The following ACAN variants were observed in gnomAD, a reference collection of about 807,000 sequenced individuals.
ACAN encodes the protein aggrecan, also known as aggrecan core protein.
ACAN carries 47 observed loss-of-function variants against 169.1 expected under a neutral mutation model. That is an observed-to-expected ratio of 0.28 (90% CI 0.22 to 0.35). The LOEUF (loss-of-function observed/expected upper bound fraction) is 0.35. Among genes scored for constraint, ACAN ranks in the 10% least tolerant of loss-of-function variants. The pLI is 1.00. For missense variants in ACAN, 2,716 were observed against 2,759.9 expected (o/e 0.98, Z 0.36); for synonymous variants, 1,115 against 1,112.2 (o/e 1.00, Z -0.05).
chr15:88,838,843 T>C lies in ACAN; in HGVS notation c.251T>C (p.Val84Ala). Residue 84 changes from valine (V) to alanine (A), a missense_variant, in exon 3 of 19, where the codon GTA becomes GCA. Val to Ala is a moderately conservative substitution (Grantham distance 64, BLOSUM62 0). Transcript: ENST00000560601. This position sits in a 1 kb window ranked among gnomAD's most constrained non-coding sequence, Gnocchi z 5.1. ...AGCCGTGTGTCCAAGGAGAAGGAGG[T>C]AGTGCTGCTGGTGGCCACTGAAGGG... ...KWSRVSKEKE[V>A]VLLVATEGRV... is the part of the protein sequence containing the mutation. 6.2e-7 allele frequency: 1 copy of C among 1,613,738 alleles called. No individual in the cohort carries two copies. The highest frequency in any genetic ancestry group is 8.5e-7 in the Non-Finnish European group (1 of 1,179,858).
At chr15:88,808,441 A>G (rs1350849099) in intron 1 of ACAN, among the ~76,000 whole-genome samples, 1 of 152,216 alleles carries the variant, frequency 6.6e-6, no homozygotes, top group Non-Finnish European at 1.5e-5. Context: ...CAGTGAATAA[A>G]TCAACTCACT....
chr15:88,817,712 G>A (rs1248340537), intron 1 of ACAN, among the ~76,000 whole-genome samples: 1 of 151,850 alleles, frequency 6.6e-6, no homozygotes, highest in Non-Finnish European at 1.5e-5. Context: ...AAATTAGCCA[G>A]GCATAGTGGT....
chr15:88,815,778 T>C (rs988099463), intron 1 of ACAN, among the ~76,000 whole-genome samples: 1 of 151,818 alleles, frequency 6.6e-6, no homozygotes, highest in Non-Finnish European at 1.5e-5. Context: ...CTGTTGTTTA[T>C]AAAGAAGTTT....
Position 88,866,589 on chromosome 15 carries a change from G to A in ACAN, c.6947-1627G>A, listed in dbSNP as rs1486435164. ...CTATGGTGTGCCCCCCCGAGATGAA[G>A]TTAAAGACTTCATGGGAAGAAAGAG... On this transcript the variant is annotated intron_variant, in intron 13 of 18. Coordinates refer to ENST00000560601, the MANE Select transcript of ACAN (RefSeq NM_001369268.1). This position sits in a 1 kb window ranked among gnomAD's most constrained non-coding sequence, Gnocchi z 5.6. 2.0e-5 allele frequency among the ~76,000 whole-genome samples: 3 copies of A among 152,068 alleles called. No individual in the cohort carries two copies. Among genetic ancestry groups the A allele is most frequent in the African/African-American group, 7.2e-5 (3 of 41,400 alleles).
In ACAN at chr15:88,858,809, C is replaced by G; in HGVS notation, c.6224C>G (p.Thr2075Arg). 1.2e-6 allele frequency: 2 copies of G among 1,613,882 alleles called. No homozygotes were observed. Among genetic ancestry groups the G allele is most frequent in the East Asian group, 4.5e-5 (2 of 44,874 alleles). ...TTTGAGTCCAGTGGAAAAGTCTCCACAGCTGGGGACATTAGTGGAGCTACC... is the reference window on the plus strand; with the variant it reads ...TTTGAGTCCAGTGGAAAAGTCTCCAGAGCTGGGGACATTAGTGGAGCTACC... The part of the protein sequence containing the change: ...QLFESSGKVS[T>R]AGDISGATPV... Residue 2075 changes from threonine to arginine, a missense_variant, in exon 12 of 19, where the codon ACA (threonine) becomes AGA (arginine). By Grantham distance (71) the Thr-to-Arg change is moderately conservative (BLOSUM62 -1). Transcript: ENST00000560601. This position sits in a 1 kb window ranked among gnomAD's most constrained non-coding sequence, Gnocchi z 4.0.
chr15:88,859,491 C>T (rs2141614223), intron 12 of ACAN, 74 bp downstream of exon 12: 1 of 1,543,726 alleles, frequency 6.5e-7, no homozygotes, highest in Non-Finnish European at 8.8e-7. Flanking sequence ...CAGAAGGAGG[C>T]AGCATAGCTT....
In ACAN at chr15:88,849,632, T is replaced by C. The variant is rs764586930; in HGVS notation, c.1927T>C (p.Cys643Arg). The change falls in exon 10 of 19, where the codon TGC (cysteine) becomes CGC (arginine). Residue 643 changes from cysteine (C) to arginine (R), a missense_variant. By Grantham distance (180) the Cys-to-Arg change is radical. Coordinates refer to ENST00000560601, the MANE Select transcript of ACAN (RefSeq NM_001369268.1). This position sits in a 1 kb window ranked among gnomAD's most constrained non-coding sequence, Gnocchi z 5.1. ...CCCCATCGTCACCCCAAGGCCTGCC[T>C]GCGGTGGGGACAAGCCAGGCGTGAG... ...RYPIVTPRPA[C>R]GGDKPGVRTV... 6.8e-6 allele frequency: 11 copies of C among 1,612,780 alleles called. No homozygotes were observed. In the East Asian group the frequency reaches 2.5e-4, roughly 36 times the overall value.
intron 1 of ACAN, among the ~76,000 whole-genome samples, chr15:88,809,275 C>T (rs548118835): frequency 6.6e-6 from 1 of 152,100 alleles, no homozygotes; most frequent in Non-Finnish European, 1.5e-5. Context: ...TGAGCATCTC[C>T]CTCCAGTGTG....
intron 1 of ACAN, 89 bp from the exon 2 acceptor site, chr15:88,836,111 T>C (rs1481824080): frequency 2.3e-5 from 21 of 901,918 alleles, no homozygotes; most frequent in Non-Finnish European, 1.8e-6. Context: ...GGGTGTGGAA[T>C]TATCACTTTG....
In ACAN at chr15:88,856,989, T is replaced by C. The variant is rs563374339; in HGVS notation, c.4404T>C (p.Ser1468=). 5 of 1,610,882 alleles carry C rather than the reference T, an allele frequency of 3.1e-6. No individual in the cohort carries two copies. The highest frequency in any genetic ancestry group is 3.3e-5 in the Admixed American group (2 of 59,936). Reference sequence around the variant, plus strand: ...CTACCTCTGCGGTAGGGGACCTCAGTGGACTTCCTTCTGGAGGAGAAGTTC... The same window carrying C: ...CTACCTCTGCGGTAGGGGACCTCAGCGGACTTCCTTCTGGAGGAGAAGTTC... ...ETSTSAVGDL[S]GLPSGGEVLE... is the part of the protein sequence containing the mutation. The change falls in exon 12 of 19, where the codon AGT becomes AGC. Residue 1468 remains serine (S), a synonymous_variant. Coordinates refer to ENST00000560601, the MANE Select transcript of ACAN (RefSeq NM_001369268.1).
intron 4 of ACAN, 102 bp from the exon 5 acceptor site, chr15:88,841,638 T>G (rs1342290029): frequency 7.0e-7 from 1 of 1,434,906 alleles, no homozygotes; most frequent in Non-Finnish European, 9.7e-7. Flanking sequence ...AAATGCAATA[T>G]TAAGTTGCTG....
chr15:88,841,964 C>T, intron 5 of ACAN, 97 bp downstream of exon 5: 1 of 1,511,730 alleles, frequency 6.6e-7, no homozygotes, highest in South Asian at 1.2e-5. Flanking sequence ...ACACAGGCTG[C>T]CAGCTCAGGG....
chr15:88,872,124 C>T lies in ACAN; in HGVS notation c.7302+39C>T. 6.4e-7 allele frequency: 1 copy of T among 1,573,280 alleles called. No homozygotes were observed. The highest frequency in any genetic ancestry group is 8.7e-7 in the Non-Finnish European group (1 of 1,143,200). Reference sequence around the variant, plus strand: ...TAGGCACAGCTGGTGGCCCAGGGGACAGGGAGTGGGATAGAGACCCCTGGA... The same window carrying T: ...TAGGCACAGCTGGTGGCCCAGGGGATAGGGAGTGGGATAGAGACCCCTGGA... On this transcript the variant is annotated intron_variant, in intron 16 of 18. Coordinates refer to ENST00000560601, the MANE Select transcript of ACAN (RefSeq NM_001369268.1). This position sits in a 1 kb window ranked among gnomAD's most constrained non-coding sequence, Gnocchi z 5.4.
rs1897276509 is a variant in ACAN at position 88,866,113 on chromosome 15, C to A, written c.6947-2103C>A. On this transcript the variant is annotated intron_variant, in intron 13 of 18. Transcript: ENST00000560601. The surrounding 1 kb of genome is among the most constrained non-coding windows in gnomAD (Gnocchi z 5.6). ...GAAAGAAAGCAACGCTCCCCCTCAC[C>A]CCAACTTGGGCAGCCTGGGAGCAGG... Among the ~76,000 whole-genome samples, 1 of 152,188 alleles carries A rather than the reference C, an allele frequency of 6.6e-6. No homozygotes were observed. The highest frequency in any genetic ancestry group is 1.5e-5 in the Non-Finnish European group (1 of 68,032).
At position 88,825,990 on chromosome 15, in the gene ACAN, A is replaced by T. The variant is rs16942248; in HGVS notation, c.-7-10210A>T. ...TCCGTGGGCTGATTTCTGAAGCTGA[A>T]GTTTCGAAGAGGCTTCAAAACACCC... On this transcript the variant is annotated intron_variant, in intron 1 of 18. Coordinates refer to ENST00000560601, the MANE Select transcript of ACAN (RefSeq NM_001369268.1). 5.9e-3 allele frequency among the ~76,000 whole-genome samples: 905 copies of T among 152,316 alleles called. 47 individuals carry two copies. The East Asian group carries it at 0.12, about 21-fold the overall frequency.
intron 1 of ACAN, among the ~76,000 whole-genome samples, chr15:88,824,903 C>CTATAAATAGACTT (rs1210203392): frequency 4.4e-4 from 66 of 150,730 alleles, no homozygotes; most frequent in Admixed American, 3.9e-4. Context: ...AAAAAAAAAG[C>CTATAAATAGACTT]TATAAATAGA....
intron 11 of ACAN, among the ~76,000 whole-genome samples, chr15:88,853,826 T>C (rs4932438): frequency 0.085 from 12,473 of 146,348 alleles, 638 homozygotes; most frequent in East Asian, 0.19. Context: ...AGAATCTTTT[T>C]CGGGTCCTGC....
At chr15:88,864,947 A>G (rs186036032) in intron 13 of ACAN, among the ~76,000 whole-genome samples, 1 of 152,298 alleles carries the variant, frequency 6.6e-6, no homozygotes, top group Admixed American at 6.5e-5. Flanking sequence ...ATTTTTTATG[A>G]GCAAATAAAC....
chr15:88,853,869 A>G (rs1198733266), intron 11 of ACAN, among the ~76,000 whole-genome samples: 2 of 145,034 alleles, frequency 1.4e-5, no homozygotes, highest in East Asian at 4.0e-4. Context: ...TCATGGCACC[A>G]CTGCTATGCT....
Sources: allele counts gnomAD v4.1 joint callset (sites outside exome capture counted in the v4.1 genomes callset), GRCh38; gene constraint gnomAD v4.1.1; non-coding constraint Gnocchi (gnomAD v3.1); transcripts MANE v1.5; gene names NCBI Gene and HGNC (gene_info 2026-07-23, HGNC 2026-07-21).